PLXDC2: variants seen among roughly 807,000 people sequenced by gnomAD.
PLXDC2 encodes the protein plexin domain containing 2, also known as plexin domain-containing protein 2.
In PLXDC2, 40 loss-of-function variants were observed where a neutral mutation model predicts 68.9. The ratio of observed to expected loss-of-function variants is 0.58; its 90% confidence interval spans 0.45 to 0.76. The LOEUF (loss-of-function observed/expected upper bound fraction) is 0.76. Among genes scored for constraint, PLXDC2 ranks in the 30% least tolerant of loss-of-function variants. PLXDC2 has a pLI of 0.00. For synonymous variants in PLXDC2, 243 were observed against 234.2 expected, an observed-to-expected ratio of 1.04 and a Z score of -0.34; for missense variants, 644 against 661.9, an observed-to-expected ratio of 0.97 and a Z score of 0.30.
chr10:20,209,557 TTTTGCTTTTGAAAGATA>T (rs1160072025), intron 9 of PLXDC2, among the ~76,000 whole-genome samples: 5 of 152,106 alleles, frequency 3.3e-5, no homozygotes, highest in East Asian at 1.9e-4. Flanking sequence ...TGATATTTCT[TTTTGCTTTTGAAAGATA>T]TTTGCTTTTG....
chr10:19,928,194 T>C (rs1833570860), intron 1 of PLXDC2, among the ~76,000 whole-genome samples: 1 of 152,224 alleles, frequency 6.6e-6, no homozygotes, highest in Non-Finnish European at 1.5e-5. Flanking sequence ...CACTCATTGG[T>C]TGATGGGCAC....
chr10:19,833,852 A>C (rs935997211), intron 1 of PLXDC2, among the ~76,000 whole-genome samples: 5 of 152,222 alleles, frequency 3.3e-5, no homozygotes, highest in Admixed American at 6.5e-5. Flanking sequence ...AGATTGCATC[A>C]ATGAATAGAA....
At chr10:19,937,704 AG>A (rs1400275277) in intron 1 of PLXDC2, among the ~76,000 whole-genome samples, 1 of 151,936 alleles carries the variant, frequency 6.6e-6, no homozygotes, top group Non-Finnish European at 1.5e-5. Context: ...ACACAAGGAC[AG>A]GGATAATGGA....
At chr10:20,238,967 G>A (rs987218247) in intron 12 of PLXDC2, among the ~76,000 whole-genome samples, 4 of 151,768 alleles carry the variant, frequency 2.6e-5, no homozygotes, top group African/African-American at 9.7e-5. Flanking sequence ...TATTAAAAAT[G>A]TCTTAAGCAC....
chr10:19,822,179 A>G (rs1288639776), intron 1 of PLXDC2, among the ~76,000 whole-genome samples: 1 of 149,584 alleles, frequency 6.7e-6, no homozygotes, highest in Non-Finnish European at 1.5e-5. Context: ...TACACTATAT[A>G]TGCACTATAT....
chr10:19,880,373 A>G (rs1477403651), intron 1 of PLXDC2, among the ~76,000 whole-genome samples: 1 of 152,270 alleles, frequency 6.6e-6, no homozygotes, highest in Non-Finnish European at 1.5e-5. Context: ...ATACATGCCT[A>G]TGATGAAGTT....
intron 1 of PLXDC2, among the ~76,000 whole-genome samples, chr10:19,845,095 T>C (rs1836982723): frequency 6.6e-6 from 1 of 152,172 alleles, no homozygotes; most frequent in Non-Finnish European, 1.5e-5. Flanking sequence ...GTGGTTTTCA[T>C]AGGGAGTTGC....
intron 7 of PLXDC2, among the ~76,000 whole-genome samples, chr10:20,171,707 G>C (rs1037498587): frequency 6.6e-6 from 1 of 152,064 alleles, no homozygotes; most frequent in Non-Finnish European, 1.5e-5. Flanking sequence ...AACAGGGAAG[G>C]CTTTCTTCAT....
chr10:20,091,705 C>T (rs1431179656), intron 4 of PLXDC2: 1 of 152,152 alleles, frequency 6.6e-6, no homozygotes, highest in Admixed American at 6.6e-5. Context: ...ATCTTTAAGT[C>T]TGCGAGGGCT....
chr10:19,876,913 TA>T (rs916914022), intron 1 of PLXDC2, among the ~76,000 whole-genome samples: 53 of 152,112 alleles, frequency 3.5e-4, no homozygotes, highest in Admixed American at 2.5e-3. Flanking sequence ...TGCAGGTACT[TA>T]AAAAAACTCG....
chr10:19,840,220 C>G (rs1836877455), intron 1 of PLXDC2, among the ~76,000 whole-genome samples: 1 of 151,894 alleles, frequency 6.6e-6, no homozygotes, highest in Non-Finnish European at 1.5e-5. Flanking sequence ...AAAGGAATCT[C>G]TTAGGATTAA....
intron 2 of PLXDC2, among the ~76,000 whole-genome samples, chr10:20,012,976 G>A (rs1390911104): frequency 6.6e-6 from 1 of 152,142 alleles, no homozygotes; most frequent in Non-Finnish European, 1.5e-5. Context: ...TAATAGTTTG[G>A]AATCCATTGC....
At chr10:20,052,049 G>A (rs895652807) in intron 3 of PLXDC2, among the ~76,000 whole-genome samples, 3 of 151,148 alleles carry the variant, frequency 2.0e-5, no homozygotes, top group Admixed American at 6.6e-5. Flanking sequence ...CACCGCACAC[G>A]ACCACACACA....
chr10:20,139,762 C>T (rs1453043528), intron 4 of PLXDC2, among the ~76,000 whole-genome samples: 1 of 151,568 alleles, frequency 6.6e-6, no homozygotes, highest in African/African-American at 2.4e-5. Context: ...GAACAGAAAA[C>T]CAAACACTGC....
chr10:20,139,217 C>T (rs963285970), intron 4 of PLXDC2, among the ~76,000 whole-genome samples: 1 of 152,182 alleles, frequency 6.6e-6, no homozygotes, highest in African/African-American at 2.4e-5. Flanking sequence ...TACAACTGAT[C>T]TCAGAATTTG....
At chr10:20,196,173 C>G (rs1834834466) in intron 9 of PLXDC2, among the ~76,000 whole-genome samples, 1 of 152,104 alleles carries the variant, frequency 6.6e-6, no homozygotes, top group South Asian at 2.1e-4. Flanking sequence ...ACTCAACTCT[C>G]AACTCCGTCC....
At chr10:19,954,007 G>C (rs11011697) in intron 1 of PLXDC2, among the ~76,000 whole-genome samples, 17,319 of 152,136 alleles carry the variant, frequency 0.11, 1,016 homozygotes, top group African/African-American at 0.13. Flanking sequence ...AACTTGGCTT[G>C]AGTCTTTGGA....
At chr10:19,836,910 A>G (rs1028122308) in intron 1 of PLXDC2, among the ~76,000 whole-genome samples, 5 of 152,194 alleles carry the variant, frequency 3.3e-5, no homozygotes, top group Non-Finnish European at 7.3e-5. Context: ...AGTCCCTTGC[A>G]CATATTAGGT....
At chr10:20,221,324 G>T (rs1490279880) in intron 12 of PLXDC2, among the ~76,000 whole-genome samples, 1 of 152,164 alleles carries the variant, frequency 6.6e-6, no homozygotes, top group Non-Finnish European at 1.5e-5. Flanking sequence ...CTAAGAAATT[G>T]TTAAGTAAAT....
Sources: allele counts gnomAD v4.1 joint callset (sites outside exome capture counted in the v4.1 genomes callset), GRCh38; gene constraint gnomAD v4.1.1; transcripts MANE v1.5; gene names NCBI Gene and HGNC (gene_info 2026-07-23, HGNC 2026-07-21).